Variants in TBC1D5 observed in about 807,000 individuals in gnomAD.
The protein encoded by TBC1D5 is TBC1 domain family, member 5.
A neutral mutation model predicts 100.3 loss-of-function variants in TBC1D5; 75 were observed. That is an observed-to-expected ratio of 0.75 (90% CI 0.62 to 0.91). The LOEUF is 0.91. Ranked by LOEUF, TBC1D5 falls within the 40% of genes least tolerant of loss-of-function variation. The pLI is 0.00. For synonymous variants in TBC1D5, 323 were observed against 325.6 expected (o/e 0.99, Z 0.09); for missense variants, 910 against 942.4 (o/e 0.97, Z 0.45).
At chr3:17,365,600 G>A (rs1258494083) in intron 13 of TBC1D5, among the ~76,000 whole-genome samples, 1 of 152,168 alleles carries the variant, frequency 6.6e-6, no homozygotes, top group East Asian at 1.9e-4. Flanking sequence ...GAAAGATCTG[G>A]AGCTCATTTA....
At position 17,450,286 on chromosome 3, in the gene TBC1D5, G is replaced by A. The variant is rs1478965234; in HGVS notation, c.98-21767C>T. ...TCCACGAAGATAAGGAAAAAACAGC[G>A]CAAAAATGCTGAAAATTCCAAAGAC... On this transcript the variant is annotated intron_variant, in intron 3 of 21. Transcript: ENST00000253692. 4.6e-5 allele frequency among the ~76,000 whole-genome samples: 7 copies of A among 152,206 alleles called. 1 individual carries two copies. The South Asian group carries it at 1.0e-3, about 23-fold the overall frequency.
chr3:17,450,803 A>T (rs1206315072), intron 3 of TBC1D5, among the ~76,000 whole-genome samples: 1 of 152,194 alleles, frequency 6.6e-6, no homozygotes, highest in Non-Finnish European at 1.5e-5. Context: ...CAAGTTGGAA[A>T]ATACACTTCA....
chr3:17,549,911 C>T (rs2096457548), intron 2 of TBC1D5, among the ~76,000 whole-genome samples: 1 of 151,400 alleles, frequency 6.6e-6, no homozygotes, highest in Non-Finnish European at 1.5e-5. Context: ...ACCTGGGCAA[C>T]ACAATGAGAC....
At chr3:17,311,999 T>C (rs1229254803) in intron 13 of TBC1D5, among the ~76,000 whole-genome samples, 3 of 152,152 alleles carry the variant, frequency 2.0e-5, no homozygotes, top group African/African-American at 7.2e-5. Context: ...TGTGTATTAG[T>C]ATTCAAGAAA....
intron 4 of TBC1D5, among the ~76,000 whole-genome samples, chr3:17,421,752 A>G (rs2094212936): frequency 6.6e-6 from 1 of 152,226 alleles, no homozygotes; most frequent in African/African-American, 2.4e-5. Flanking sequence ...AGAATCAGAG[A>G]GGTTAATTAC....
intron 3 of TBC1D5, among the ~76,000 whole-genome samples, chr3:17,437,733 A>C (rs1434383623): frequency 6.6e-6 from 1 of 151,436 alleles, no homozygotes. Flanking sequence ...CAGAGAGAGA[A>C]AAGAGATTGA....
chr3:17,663,357 AAAT>A lies in TBC1D5; in HGVS notation c.-100-39447_-100-39445del, dbSNP rs542698768. On this transcript the variant is annotated intron_variant, in intron 1 of 21. Transcript: ENST00000253692. ...TAAAAAAAAATCAAACACAGAAAAA[AAAT>A]ACTGACGACATACTACAAAAGACTG... is the stretch of plus-strand genomic sequence containing the variant. 3.0e-3 allele frequency among the ~76,000 whole-genome samples: 462 copies of A among 152,070 alleles called. 4 individuals carry two copies. Among genetic ancestry groups the A allele is most frequent in the African/African-American group, 0.011 (438 of 41,548 alleles).
chr3:17,509,907 ATT>A (rs995595749), intron 2 of TBC1D5, among the ~76,000 whole-genome samples: 5 of 151,978 alleles, frequency 3.3e-5, no homozygotes, highest in Non-Finnish European at 7.4e-5. Context: ...TATTGAATAA[ATT>A]TTGTTTTAAA....
At chr3:17,253,023 G>A (rs1046533230) in intron 16 of TBC1D5, among the ~76,000 whole-genome samples, 2 of 152,116 alleles carry the variant, frequency 1.3e-5, no homozygotes, top group African/African-American at 4.8e-5. Flanking sequence ...CTGGCACTGT[G>A]TATAGTATTC....
chr3:17,713,248 T>TC (rs1468249283), intron 1 of TBC1D5, among the ~76,000 whole-genome samples: 8 of 150,668 alleles, frequency 5.3e-5, no homozygotes, highest in Non-Finnish European at 1.2e-4. Flanking sequence ...TCTTTTCTTT[T>TC]TTTTTTTTTT....
chr3:17,235,405 A>G (rs929493250), intron 17 of TBC1D5, among the ~76,000 whole-genome samples: 1 of 152,224 alleles, frequency 6.6e-6, no homozygotes, highest in African/African-American at 2.4e-5. Context: ...AGACTATTAC[A>G]TTATCTTTCC....
At chr3:17,661,899 C>G (rs11128839) in intron 1 of TBC1D5, among the ~76,000 whole-genome samples, 1 of 149,986 alleles carries the variant, frequency 6.7e-6, no homozygotes, top group Non-Finnish European at 1.5e-5. Flanking sequence ...TCAACTCCCC[C>G]TTTTTTTTTA....
At chr3:17,230,895 T>C (rs2075359041) in intron 17 of TBC1D5, among the ~76,000 whole-genome samples, 1 of 152,248 alleles carries the variant, frequency 6.6e-6, no homozygotes, top group East Asian at 1.9e-4. Flanking sequence ...CCTACGCATA[T>C]CCTCCTTTAT....
In TBC1D5 at chr3:17,571,755, CCAA is replaced by C. The variant is rs558978082; in HGVS notation, c.-36+52091_-36+52093del. Among the ~76,000 whole-genome samples, 181 of 152,010 alleles carry C rather than the reference CCAA, an allele frequency of 1.2e-3. 1 individual carries two copies. The highest frequency in any genetic ancestry group is 1.9e-3 in the Non-Finnish European group (128 of 67,974). On this transcript the variant is annotated intron_variant, in intron 2 of 21. Coordinates refer to ENST00000253692, the Ensembl canonical transcript of TBC1D5. ...TTCCTTCCATCTTTGATCCTTTCACCCAACTAAAACACATACATCCACTGTGAC... is the reference window on the plus strand; with the variant it reads ...TTCCTTCCATCTTTGATCCTTTCACCCTAAAACACATACATCCACTGTGAC...
At chr3:17,336,170 G>A (rs2087753393) in intron 13 of TBC1D5, among the ~76,000 whole-genome samples, 1 of 152,000 alleles carries the variant, frequency 6.6e-6, no homozygotes, top group Non-Finnish European at 1.5e-5. Flanking sequence ...GCCAAAGATA[G>A]CTAGTAAGAT....
At chr3:17,665,929 C>T (rs2067210517) in intron 1 of TBC1D5, among the ~76,000 whole-genome samples, 1 of 152,120 alleles carries the variant, frequency 6.6e-6, no homozygotes, top group African/African-American at 2.4e-5. Context: ...TTAGACACTC[C>T]AGCTGAAATC....
intron 1 of TBC1D5, among the ~76,000 whole-genome samples, chr3:17,707,721 C>A (rs1051785937): frequency 3.3e-5 from 5 of 152,086 alleles, no homozygotes; most frequent in African/African-American, 1.2e-4. Context: ...CAGTTATACA[C>A]ATAAACTAAA....
At chr3:17,556,630 A>T (rs73160957) in intron 2 of TBC1D5, among the ~76,000 whole-genome samples, 10,991 of 152,280 alleles carry the variant, frequency 0.072, 807 homozygotes, top group African/African-American at 0.19. Context: ...CAACTGATCA[A>T]GAGTGACATT....
At chr3:17,529,857 G>C (rs1296714573) in intron 2 of TBC1D5, among the ~76,000 whole-genome samples, 2 of 152,062 alleles carry the variant, frequency 1.3e-5, no homozygotes, top group Non-Finnish European at 2.9e-5. Flanking sequence ...AGCACATCAG[G>C]ATGCCACAAT....
Sources: gnomAD v4.1 joint callset for allele counts (sites outside exome capture counted in the v4.1 genomes callset) on GRCh38, gnomAD v4.1.1 for gene constraint, MANE v1.5 for transcripts, NCBI Gene and HGNC (gene_info 2026-07-23, HGNC 2026-07-21) for gene names.